Variants in GTF2IRD2B observed in about 807,000 individuals in gnomAD.
GTF2IRD2B encodes the protein general transcription factor II-I repeat domain-containing protein 2B.
In GTF2IRD2B, 10 loss-of-function variants were observed where a neutral mutation model predicts 55.6. That is an observed-to-expected ratio of 0.18 (90% confidence interval 0.11 to 0.31). The LOEUF is 0.31. Among genes scored for constraint, GTF2IRD2B ranks in the 10% least tolerant of loss-of-function variants. The pLI is 1.00. For missense variants in GTF2IRD2B, 206 were observed against 802.7 expected, an observed-to-expected ratio of 0.26 and a Z score of 8.98; for synonymous variants, 107 against 320.5, an observed-to-expected ratio of 0.33 and a Z score of 7.12.
intron 13 of GTF2IRD2B, among the ~76,000 whole-genome samples, chr7:75,142,172 GTGTTT>G (rs1809034624): frequency 6.6e-6 from 1 of 150,652 alleles, no homozygotes; most frequent in East Asian, 2.0e-4. Flanking sequence ...GTTTTGTTTT[GTGTTT>G]TGTTTTGAGG....
chr7:75,105,878 C>T lies in GTF2IRD2B; in HGVS notation c.-5-3082C>T, dbSNP rs1341028996. On this transcript the variant is annotated intron_variant, in intron 1 of 15. Transcript: ENST00000472837. ...CTGTGAGTCTGTTTCACGTTGTCTG[C>T]GATCTGGAACCCAGGCTGCTGTGGT... Among the ~76,000 whole-genome samples, 12 of 152,422 alleles carry T rather than the reference C, an allele frequency of 7.9e-5. 1 individual carries two copies. The highest frequency in any genetic ancestry group is 5.8e-4 in the East Asian group (3 of 5,196).
At chr7:75,127,608 C>T (rs1808568427) in intron 8 of GTF2IRD2B, among the ~76,000 whole-genome samples, 1 of 141,244 alleles carries the variant, frequency 7.1e-6, no homozygotes, top group African/African-American at 2.6e-5. Flanking sequence ...GAATGAGAAC[C>T]TGAATTTGAA....
At chr7:75,137,240 A>ATCTCTAATG (rs1808871825) in intron 11 of GTF2IRD2B, among the ~76,000 whole-genome samples, 1 of 151,280 alleles carries the variant, frequency 6.6e-6, no homozygotes, top group Non-Finnish European at 1.5e-5. Flanking sequence ...AGAGATTGAA[A>ATCTCTAATG]TCTCTAATGT....
At chr7:75,121,766 C>T (rs1429012526) in intron 4 of GTF2IRD2B, among the ~76,000 whole-genome samples, 3 of 133,792 alleles carry the variant, frequency 2.2e-5, no homozygotes, top group African/African-American at 5.5e-5. Flanking sequence ...GCCACCAGTT[C>T]TTTTTTTTTT....
rs368597205 is a variant in GTF2IRD2B, at chr7:75,148,200, C to A, written c.1753C>A (p.Pro585Thr). The A allele has an allele frequency of 5.0e-6, 8 of 1,613,684 alleles. No homozygotes were observed. Among genetic ancestry groups the A allele is most frequent in the African/African-American group, 1.3e-5 (1 of 74,882 alleles). ...GTCCGAAGAACTTCTGGACACGGTG[C>A]CCATGACGGGTACAAAATCTGGCAA... ...DVSEELLDTVPMTGTKSGNEI... is the reference protein window; with the variant it reads ...DVSEELLDTVTMTGTKSGNEI... Residue 585 changes from proline to threonine, a missense_variant, in exon 16 of 16, where the codon CCC (proline) becomes ACC (threonine). Coordinates refer to ENST00000472837, the MANE Select transcript of GTF2IRD2B (RefSeq NM_001003795.3).
intron 3 of GTF2IRD2B, among the ~76,000 whole-genome samples, chr7:75,117,925 A>G (rs1342471232): frequency 1.3e-5 from 2 of 152,222 alleles, no homozygotes; most frequent in East Asian, 1.9e-4. Flanking sequence ...TGTACTAAAA[A>G]TACAAAAATT....
chr7:75,134,933 G>T, intron 9 of GTF2IRD2B, 68 bp from the exon 10 acceptor site: 6 of 1,478,912 alleles, frequency 4.1e-6, no homozygotes, highest in Non-Finnish European at 4.6e-6. Flanking sequence ...TGTTTGCATT[G>T]TATTCAGTGA....
At chr7:75,142,094 C>A (rs1270515091) in intron 13 of GTF2IRD2B, among the ~76,000 whole-genome samples, 2 of 152,282 alleles carry the variant, frequency 1.3e-5, no homozygotes, top group African/African-American at 4.8e-5. Flanking sequence ...AAAGATAAAT[C>A]CTGGTTTAGG....
intron 3 of GTF2IRD2B, among the ~76,000 whole-genome samples, chr7:75,117,089 A>G (rs1284637010): frequency 6.7e-6 from 1 of 148,430 alleles, no homozygotes; most frequent in African/African-American, 2.5e-5. Context: ...AAGGATGTTC[A>G]ATCTTGTCAA....
At chr7:75,116,656 T>C (rs1808168483) in intron 3 of GTF2IRD2B, among the ~76,000 whole-genome samples, 1 of 145,268 alleles carries the variant, frequency 6.9e-6, no homozygotes, top group African/African-American at 2.6e-5. Context: ...TTTTTTTTTT[T>C]CTTTGAGATG....
At chr7:75,113,874 G>C (rs1808052854) in intron 3 of GTF2IRD2B, among the ~76,000 whole-genome samples, 1 of 148,004 alleles carries the variant, frequency 6.8e-6, no homozygotes, top group Non-Finnish European at 1.5e-5. Context: ...GTGTGTGTGT[G>C]TGTGTGTGTC....
At position 75,132,289 on chromosome 7, in the gene GTF2IRD2B, G is replaced by A. The variant is rs868922705; in HGVS notation, c.671-846G>A. Among the ~76,000 whole-genome samples the A allele has an allele frequency of 4.3e-4, 55 of 128,448 alleles. 1 individual carries two copies. Among genetic ancestry groups the A allele is most frequent in the African/African-American group, 1.7e-3 (47 of 27,912 alleles). 84.3% of individuals were successfully genotyped at this position (128,448 alleles called of 152,430 possible). A position where few individuals can be genotyped will look rare whatever the true frequency, so the allele number is the denominator to read the frequency against. The stretch of plus-strand genomic sequence containing the variant: ...CAGGAGGGTCACTTGAACCTGGGAG[G>A]TGGATGTTGCAGTGAGCCGAGATCA... On this transcript the variant is annotated intron_variant, in intron 8 of 15. Transcript: ENST00000472837.
At chr7:75,123,053 A>G in intron 4 of GTF2IRD2B, 83 bp from the exon 5 acceptor site, 1 of 1,565,522 alleles carries the variant, frequency 6.4e-7, no homozygotes, top group East Asian at 2.2e-5. Context: ...CTGTTTCTAC[A>G]AAACAAAAAA....
intron 1 of GTF2IRD2B, among the ~76,000 whole-genome samples, chr7:75,105,593 A>G (rs1209202756): frequency 3.3e-5 from 5 of 152,300 alleles, no homozygotes; most frequent in Non-Finnish European, 4.4e-5. Context: ...ATAGAGATTT[A>G]TAAAAATTTT....
At chr7:75,130,125 C>CT (rs1342768796) in intron 8 of GTF2IRD2B, among the ~76,000 whole-genome samples, 2 of 110,748 alleles carry the variant, frequency 1.8e-5, no homozygotes, top group Non-Finnish European at 3.8e-5. Context: ...TTCTTTCTTT[C>CT]TTTCTTTCTT....
At chr7:75,105,748 C>T (rs1807776799) in intron 1 of GTF2IRD2B, among the ~76,000 whole-genome samples, 1 of 152,284 alleles carries the variant, frequency 6.6e-6, no homozygotes, top group African/African-American at 2.4e-5. Flanking sequence ...CTGTAACTGT[C>T]CAGACTGGCT....
intron 4 of GTF2IRD2B, among the ~76,000 whole-genome samples, chr7:75,122,784 TCGCCTGTTATCCTAGCA>T (rs1438844758): frequency 6.8e-6 from 1 of 146,992 alleles, no homozygotes; most frequent in African/African-American, 2.5e-5. Flanking sequence ...GCTCAGTGGC[TCGCCTGTTATCCTAGCA>T]CTTTGGCAGG....
chr7:75,136,088 C>T (rs1760886181), intron 10 of GTF2IRD2B, among the ~76,000 whole-genome samples: 2 of 101,438 alleles, frequency 2.0e-5, no homozygotes, highest in South Asian at 7.0e-4. Flanking sequence ...CTGCAGTGAG[C>T]CGAAATCGCA....
At chr7:75,117,886 C>T (rs1464531534) in intron 3 of GTF2IRD2B, among the ~76,000 whole-genome samples, 1 of 152,248 alleles carries the variant, frequency 6.6e-6, no homozygotes, top group Non-Finnish European at 1.5e-5. Context: ...AGTTTGAAAC[C>T]AGCCTGGCCA....
Sources: allele counts gnomAD v4.1 joint callset (sites outside exome capture counted in the v4.1 genomes callset), GRCh38; gene constraint gnomAD v4.1.1; transcripts MANE v1.5; gene names NCBI Gene and HGNC (gene_info 2026-07-23, HGNC 2026-07-21).